DLGAP4: variants seen among roughly 807,000 people sequenced by gnomAD.
The protein encoded by DLGAP4 is DLG associated protein 4, also known as disks large-associated protein 4.
In DLGAP4, 18 loss-of-function variants were observed where a neutral mutation model predicts 86.9. The ratio of observed to expected loss-of-function variants is 0.21; its 90% confidence interval spans 0.14 to 0.31. The LOEUF is 0.31. Among genes scored for constraint, DLGAP4 ranks in the 10% least tolerant of loss-of-function variants. The pLI is 1.00. For missense variants in DLGAP4, 1,085 were observed against 1,362.6 expected (o/e 0.80, Z 3.21); for synonymous variants, 548 against 574.3 (o/e 0.95, Z 0.65).
chr20:36,440,368 C>A (rs1171499270), intron 5 of DLGAP4, among the ~76,000 whole-genome samples: 1 of 152,140 alleles, frequency 6.6e-6, no homozygotes, highest in Non-Finnish European at 1.5e-5. Context: ...TTATTAGCAT[C>A]TTTTGTGACC....
At chr20:36,351,255 C>A in intron 1 of DLGAP4, among the ~76,000 whole-genome samples, 1 of 152,188 alleles carries the variant, frequency 6.6e-6, no homozygotes, top group South Asian at 2.1e-4. Context: ...TGGCAGACCC[C>A]CTACAAGAGG....
intron 1 of DLGAP4, among the ~76,000 whole-genome samples, chr20:36,347,132 G>C (rs1555893096): frequency 6.6e-6 from 1 of 151,920 alleles, no homozygotes; most frequent in African/African-American, 2.4e-5. Flanking sequence ...GGTGGTGCAG[G>C]GCTCCCAGAT....
chr20:36,434,945 A>G (rs2040367160), intron 3 of DLGAP4, among the ~76,000 whole-genome samples: 2 of 152,068 alleles, frequency 1.3e-5, no homozygotes, highest in African/African-American at 4.8e-5. Flanking sequence ...TGCTGTGTGC[A>G]TGTGGAGGCG....
chr20:36,505,352 A>AT (rs1273253113), intron 10 of DLGAP4, among the ~76,000 whole-genome samples: 4 of 152,030 alleles, frequency 2.6e-5, no homozygotes, highest in Non-Finnish European at 5.9e-5. Context: ...GTCTCCACTT[A>AT]TTTTTTTAAA....
intron 2 of DLGAP4, among the ~76,000 whole-genome samples, chr20:36,397,426 ATACT>A (rs1295503187): frequency 3.9e-5 from 6 of 152,138 alleles, no homozygotes; most frequent in Non-Finnish European, 1.5e-5. Context: ...GGACCCAAAG[ATACT>A]CCCCAGTGCC....
intron 1 of DLGAP4, among the ~76,000 whole-genome samples, chr20:36,318,833 A>G (rs1404701008): frequency 1.3e-5 from 2 of 152,056 alleles, no homozygotes; most frequent in Non-Finnish European, 2.9e-5. Flanking sequence ...GTTTTTTCTG[A>G]TTTTGTTTTT....
Position 36,499,691 on chromosome 20 carries a change from G to T in DLGAP4, c.2099+15G>T, listed in dbSNP as rs778117366. 6.2e-7 allele frequency: 1 copy of T among 1,609,566 alleles called. No homozygotes were observed. The highest frequency in any genetic ancestry group is 2.2e-5 in the East Asian group (1 of 44,782). On this transcript the variant is annotated intron_variant, in intron 9 of 12. Coordinates refer to ENST00000339266, the MANE Select transcript of DLGAP4 (RefSeq NM_001365621.2). ...GACGACTGGCGGTAAGTCGGACAGA[G>T]GTGGCGGCTGCTTCTCCCCTCTCCT...
chr20:36,418,405 GC>G (rs1436975799), intron 2 of DLGAP4, among the ~76,000 whole-genome samples: 1 of 152,200 alleles, frequency 6.6e-6, no homozygotes, highest in African/African-American at 2.4e-5. Flanking sequence ...GAGCCACCGT[GC>G]CTGGCCCATT....
chr20:36,439,968 C>T, intron 5 of DLGAP4, 100 bp downstream of exon 5: 3 of 1,018,684 alleles, frequency 2.9e-6, no homozygotes, highest in Non-Finnish European at 3.0e-6. Flanking sequence ...TGAGTGGCCC[C>T]CAGATGTCTG....
intron 2 of DLGAP4, among the ~76,000 whole-genome samples, chr20:36,408,276 A>T (rs2032384507): frequency 6.6e-6 from 1 of 151,914 alleles, no homozygotes. Flanking sequence ...CACAATCCTT[A>T]TTGTTATCCA....
At chr20:36,352,457 TG>T (rs2030190741) in intron 1 of DLGAP4, among the ~76,000 whole-genome samples, 1 of 32,252 alleles carries the variant, frequency 3.1e-5, no homozygotes, top group East Asian at 1.0e-3. Flanking sequence ...GTGGCAGAGG[TG>T]GGGGTGGGGA....
chr20:36,320,282 C>T (rs2065155157), intron 1 of DLGAP4, among the ~76,000 whole-genome samples: 1 of 151,622 alleles, frequency 6.6e-6, no homozygotes. Context: ...TCTAAGCCCT[C>T]CTCTGTGTCC....
At chr20:36,406,229 T>A (rs915493807) in intron 2 of DLGAP4, among the ~76,000 whole-genome samples, 1 of 151,956 alleles carries the variant, frequency 6.6e-6, no homozygotes, top group Admixed American at 6.5e-5. Context: ...AAACCCTGTC[T>A]CTACTAAAAA....
chr20:36,377,484 G>T (rs1433751912), intron 2 of DLGAP4, among the ~76,000 whole-genome samples: 2 of 152,194 alleles, frequency 1.3e-5, no homozygotes, highest in Non-Finnish European at 2.9e-5. Context: ...CAGATTTGGC[G>T]CATAGCAAGC....
intron 2 of DLGAP4, among the ~76,000 whole-genome samples, chr20:36,380,902 G>C (rs1383676340): frequency 6.6e-6 from 1 of 152,172 alleles, no homozygotes; most frequent in Non-Finnish European, 1.5e-5. Flanking sequence ...CCCACTTTGT[G>C]GATTTTTGCC....
chr20:36,468,551 A>G (rs2034521184), intron 7 of DLGAP4, among the ~76,000 whole-genome samples: 1 of 152,250 alleles, frequency 6.6e-6, no homozygotes, highest in Non-Finnish European at 1.5e-5. Flanking sequence ...TGTGCAGCCC[A>G]CACTCCTCTG....
chr20:36,381,979 A>G (rs1012759114), intron 2 of DLGAP4, among the ~76,000 whole-genome samples: 1 of 152,128 alleles, frequency 6.6e-6, no homozygotes, highest in African/African-American at 2.4e-5. Flanking sequence ...TGCCCACCCC[A>G]GTGTCTGAGT....
intron 11 of DLGAP4, 66 bp from the exon 12 acceptor site, chr20:36,525,785 G>A (rs1039614355): frequency 1.3e-6 from 2 of 1,592,840 alleles, no homozygotes; most frequent in Non-Finnish European, 1.7e-6. Context: ...CTGCTTGTTG[G>A]GGGGTTGGGG....
Position 36,513,345 on chromosome 20 carries a change from G to A in DLGAP4, c.2513-10905G>A, listed in dbSNP as rs1283341311. Among the ~76,000 whole-genome samples, 65 of 150,494 alleles carry A rather than the reference G, an allele frequency of 4.3e-4. 1 individual carries two copies. The highest frequency in any genetic ancestry group is 7.4e-5 in the Non-Finnish European group (5 of 67,660). On this transcript the variant is annotated intron_variant, in intron 10 of 12. Transcript: ENST00000339266. ...GGGTGGATCATGAGGTCAGGAGATC[G>A]AGACCATCCTGGCTAACAAGGTGAA... is the stretch of plus-strand genomic sequence containing the variant.
Sources: gnomAD v4.1 joint callset for allele counts (sites outside exome capture counted in the v4.1 genomes callset) on GRCh38, gnomAD v4.1.1 for gene constraint, MANE v1.5 for transcripts, NCBI Gene and HGNC (gene_info 2026-07-23, HGNC 2026-07-21) for gene names.